SCAMP5: variants seen among roughly 807,000 people sequenced by gnomAD.
SCAMP5 encodes secretory carrier membrane protein 5.
SCAMP5 carries 7 observed loss-of-function variants against 28.3 expected under a neutral mutation model. The observed-to-expected ratio is 0.25, with a 90% confidence interval of 0.14 to 0.46. SCAMP5 has a LOEUF of 0.46. SCAMP5 is among the 20% of genes least tolerant of loss of function. The pLI, the probability that SCAMP5 is intolerant of heterozygous loss-of-function variation, is 0.99. For synonymous variants in SCAMP5, 117 were observed against 116.4 expected, an observed-to-expected ratio of 1.00 and a Z score of -0.03; for missense variants, 192 against 312.5, an observed-to-expected ratio of 0.61 and a Z score of 2.91.
chr15:75,000,069 A>G (rs989047547), intron 1 of SCAMP5, among the ~76,000 whole-genome samples: 1 of 152,240 alleles, frequency 6.6e-6, no homozygotes, highest in Non-Finnish European at 1.5e-5. Context: ...CACCAAACCT[A>G]AAGATCAGAC....
At chr15:75,013,692 G>A (rs148949074) in intron 3 of SCAMP5, among the ~76,000 whole-genome samples, 23 of 152,258 alleles carry the variant, frequency 1.5e-4, no homozygotes, top group African/African-American at 5.3e-4. Flanking sequence ...GCTGGGAATA[G>A]TGGCACATGC....
intron 1 of SCAMP5, chr15:74,997,085 A>G (rs1051319268): frequency 2.6e-5 from 4 of 152,164 alleles, no homozygotes; most frequent in Non-Finnish European, 5.9e-5. Flanking sequence ...TTCTCTAGAG[A>G]TGAAATAATA....
At chr15:75,015,037 G>T (rs1422167329) in intron 3 of SCAMP5, among the ~76,000 whole-genome samples, 1 of 152,174 alleles carries the variant, frequency 6.6e-6, no homozygotes, top group Non-Finnish European at 1.5e-5. Context: ...AGGTCACTGT[G>T]TCTGACCTGG....
chr15:75,012,043 T>A (rs2065816405), intron 2 of SCAMP5, among the ~76,000 whole-genome samples, 197 bp downstream of exon 2: 1 of 152,206 alleles, frequency 6.6e-6, no homozygotes, highest in South Asian at 2.1e-4. Flanking sequence ...CTCTGTCAGA[T>A]CTTTGGTCCT....
At chr15:75,016,394 C>T (rs1489337856) in intron 3 of SCAMP5, among the ~76,000 whole-genome samples, 199 bp from the exon 4 acceptor site, 9 of 151,998 alleles carry the variant, frequency 5.9e-5, no homozygotes, top group Admixed American at 2.6e-4. Flanking sequence ...TTTGTTGGTA[C>T]GGGTTGTGGG....
intron 1 of SCAMP5, among the ~76,000 whole-genome samples, chr15:74,999,463 C>T (rs1225990870): frequency 1.3e-5 from 2 of 151,800 alleles, no homozygotes. Context: ...GCCCTTTGCT[C>T]ATGTAGAGGG....
At position 75,011,911 on chromosome 15, in the gene SCAMP5, C is replaced by T. The variant is rs2065815383; in HGVS notation, c.7+65C>T. 8 of 1,406,304 alleles carry T rather than the reference C, an allele frequency of 5.7e-6. No homozygotes were observed. In the Admixed American group the frequency reaches 8.6e-5, roughly 15 times the overall value. 87.1% of individuals were successfully genotyped at this position (1,406,304 alleles called of 1,614,324 possible). ...TGAGCATAGCGTGGATGGCCCTCTT[C>T]CTGGTTCCCTTATCTCCCCTAGTCT... On this transcript the variant is annotated intron_variant, in intron 2 of 6. Transcript: ENST00000425597.
At chr15:75,001,967 A>C (rs564997096) in intron 1 of SCAMP5, among the ~76,000 whole-genome samples, 1 of 151,046 alleles carries the variant, frequency 6.6e-6, no homozygotes, top group Non-Finnish European at 1.5e-5. Flanking sequence ...TTAGCTAGGC[A>C]TGGTGGCACG....
rs561105778 is a variant in SCAMP5 at position 75,001,198 on chromosome 15, C to T, written c.-49+5525C>T. The stretch of plus-strand genomic sequence containing the variant: ...CTGAGGCGGGAGAATGGCGTGAACC[C>T]GGGAGGCGGAGCTTGCAAGTGAGCC... On this transcript the variant is annotated intron_variant, in intron 1 of 6. Transcript: ENST00000425597. Among the ~76,000 whole-genome samples, 7 of 141,750 alleles carry T rather than the reference C, an allele frequency of 4.9e-5. No individual in the cohort carries two copies. In the South Asian group the frequency reaches 1.4e-3, roughly 28 times the overall value. 93.0% of individuals were successfully genotyped at this position (141,750 alleles called of 152,430 possible). A position where few individuals can be genotyped will look rare whatever the true frequency, so the allele number is the denominator to read the frequency against.
In SCAMP5 at chr15:74,996,371, T is replaced by C. The variant is rs1459104873; in HGVS notation, c.-49+698T>C. The C allele has an allele frequency of 2.0e-5, 3 of 152,388 alleles. No individual in the cohort carries two copies. The highest frequency in any genetic ancestry group is 4.4e-5 in the Non-Finnish European group (3 of 68,190). The allele number at this position is 152,388 out of a possible 1,614,324, so 9.4% of individuals were successfully genotyped here. ...GTCCTCCGCCTCGGGGAGCTCCTGG[T>C]CTGTGGGTTGGGGGAACCAAGTAGA... On this transcript the variant is annotated intron_variant, in intron 1 of 6. Coordinates refer to ENST00000425597, the MANE Select transcript of SCAMP5 (RefSeq NM_138967.4). This position sits in a 1 kb window ranked among gnomAD's most constrained non-coding sequence, Gnocchi z 4.1.
At chr15:75,016,460 C>T (rs1243202999) in intron 3 of SCAMP5, 133 bp from the exon 4 acceptor site, 7 of 745,530 alleles carry the variant, frequency 9.4e-6, no homozygotes, top group Non-Finnish European at 1.3e-5. Context: ...TGCTTGTCTG[C>T]GCTGTTGGCC....
At chr15:75,013,346 A>G (rs753006952) in intron 3 of SCAMP5, among the ~76,000 whole-genome samples, 7 of 152,166 alleles carry the variant, frequency 4.6e-5, no homozygotes, top group Non-Finnish European at 1.0e-4. Context: ...GTAGGAAGAA[A>G]GTATTGGCTT....
At position 75,011,819 on chromosome 15, in the gene SCAMP5, A is replaced by T. The variant is rs2065814029; in HGVS notation, c.-21A>T. The T allele has an allele frequency of 1.2e-6, 2 of 1,611,856 alleles. No individual in the cohort carries two copies. The highest frequency in any genetic ancestry group is 1.7e-6 in the Non-Finnish European group (2 of 1,178,114). On this transcript the variant is annotated 5_prime_UTR_variant, in exon 2 of 7. Coordinates refer to ENST00000425597, the MANE Select transcript of SCAMP5 (RefSeq NM_138967.4). ...CAGGACAAAGAGGTGTGGGCAGGCC[A>T]CTGGGCCAGCTGGTAACATCATGGC...
chr15:75,011,415 A>G (rs2065810524), intron 1 of SCAMP5, among the ~76,000 whole-genome samples: 1 of 152,170 alleles, frequency 6.6e-6, no homozygotes, highest in Non-Finnish European at 1.5e-5. Context: ...TAATAAATGA[A>G]CAAAGGCAAA....
intron 1 of SCAMP5, among the ~76,000 whole-genome samples, chr15:75,001,869 CAAAAAA>C (rs769760180): frequency 4.9e-5 from 2 of 40,460 alleles, no homozygotes; most frequent in African/African-American, 1.0e-4. Flanking sequence ...GACTCGGTCT[CAAAAAA>C]AAAAAAAAAA....
At chr15:75,002,372 C>G (rs1595881206) in intron 1 of SCAMP5, among the ~76,000 whole-genome samples, 2 of 152,112 alleles carry the variant, frequency 1.3e-5, no homozygotes, top group Non-Finnish European at 2.9e-5. Context: ...GTATCCTACA[C>G]ATCTCTGGCT....
chr15:74,999,260 C>G (rs1251442830), intron 1 of SCAMP5, among the ~76,000 whole-genome samples: 1 of 152,214 alleles, frequency 6.6e-6, no homozygotes, highest in Non-Finnish European at 1.5e-5. Context: ...CATGAATTGC[C>G]TCTTCCGTGT....
At position 75,012,736 on chromosome 15, in the gene SCAMP5, C is replaced by G; in HGVS notation, c.67C>G (p.Gln23Glu). 2 of 1,613,954 alleles carry G rather than the reference C, an allele frequency of 1.2e-6. No homozygotes were observed. Among genetic ancestry groups the G allele is most frequent in the Non-Finnish European group, 1.7e-6 (2 of 1,179,808 alleles). Residue 23 changes from glutamine (Q) to glutamate (E), a missense_variant, in exon 3 of 7, where the codon CAA becomes GAA. Coordinates refer to ENST00000425597, the MANE Select transcript of SCAMP5 (RefSeq NM_138967.4). ...CATCCCGCTGAAGCCATGTTTCTAC[C>G]AAGACTTCGAGGCAGATATTCCTCC... The part of the protein sequence containing the change: ...KFIPLKPCFY[Q>E]DFEADIPPQH...
chr15:75,002,585 G>A (rs1485381705), intron 1 of SCAMP5, among the ~76,000 whole-genome samples: 1 of 151,922 alleles, frequency 6.6e-6, no homozygotes, highest in Non-Finnish European at 1.5e-5. Context: ...CGTTAGTCCC[G>A]GTAGTGCCAT....
Sources: allele counts gnomAD v4.1 joint callset (sites outside exome capture counted in the v4.1 genomes callset), GRCh38; gene constraint gnomAD v4.1.1; non-coding constraint Gnocchi (gnomAD v3.1); transcripts MANE v1.5; gene names NCBI Gene and HGNC (gene_info 2026-07-23, HGNC 2026-07-21).